Variants in POLR2F observed in about 807,000 individuals in gnomAD.
The protein encoded by POLR2F is DNA-directed RNA polymerases I, II, and III subunit RPABC2.
POLR2F carries 12 observed loss-of-function variants against 22.7 expected under a neutral mutation model. That is an observed-to-expected ratio of 0.53 (90% CI 0.34 to 0.86). The LOEUF is 0.86. Ranked by LOEUF, POLR2F falls within the 40% of genes least tolerant of loss-of-function variation. The pLI is 0.02. For synonymous variants in POLR2F, 57 were observed against 66.0 expected (o/e 0.86, Z 0.66); for missense variants, 126 against 171.5 (o/e 0.73, Z 1.48).
chr22:37,979,954 A>AGCCC (rs1157553718), intron 4 of POLR2F, among the ~76,000 whole-genome samples: 1 of 151,728 alleles, frequency 6.6e-6, no homozygotes, highest in Non-Finnish European at 1.5e-5. Context: ...CAGAAGGCCG[A>AGCCC]GCCCTCCCTC....
intron 3 of POLR2F, among the ~76,000 whole-genome samples, chr22:37,961,687 G>T (rs1931645690): frequency 6.6e-6 from 1 of 152,142 alleles, no homozygotes; most frequent in South Asian, 2.1e-4. Flanking sequence ...AGAAAGCAGG[G>T]ACTTTCAAAG....
At chr22:38,018,512 G>C (rs886919177) in intron 1 of POLR2F, among the ~76,000 whole-genome samples, 1 of 151,966 alleles carries the variant, frequency 6.6e-6, no homozygotes, top group Non-Finnish European at 1.5e-5. Flanking sequence ...GCTTAGGGTG[G>C]GGTCAAGGCC....
At chr22:37,973,058 TGGCATAGGTGGCATG>T, downstream of POLR2F, 1 of 166,596 alleles carries the variant, frequency 6.0e-6, no homozygotes, top group Admixed American at 5.8e-5. Context: ...TTAGGCACTG[TGGCATAGGTGGCATG>T]GGCATGTCAG....
At chr22:38,030,390 AG>A (rs1480902996), downstream of POLR2F, among the ~76,000 whole-genome samples, 5 of 152,198 alleles carry the variant, frequency 3.3e-5, no homozygotes, top group Non-Finnish European at 7.4e-5. Context: ...AAGTCCCATC[AG>A]GGCAGGCTCA....
intron 5 of POLR2F, among the ~76,000 whole-genome samples, chr22:38,035,368 G>C (rs556168721): frequency 6.6e-6 from 1 of 152,358 alleles, no homozygotes; most frequent in African/African-American, 2.4e-5. Context: ...CCATTTGACA[G>C]ATGAGGATGC....
chr22:37,962,561 C>CCT (rs1931687305), intron 3 of POLR2F, among the ~76,000 whole-genome samples: 3 of 152,230 alleles, frequency 2.0e-5, no homozygotes, highest in Admixed American at 2.0e-4. Context: ...ACGTCAGGAT[C>CCT]CTCTGGGCCT....
chr22:37,977,076 G>A (rs1264859614), intron 4 of POLR2F, among the ~76,000 whole-genome samples: 1 of 151,378 alleles, frequency 6.6e-6, no homozygotes, highest in Non-Finnish European at 1.5e-5. Context: ...GCTGAGACAG[G>A]AGAATTGCTT....
intron 5 of POLR2F, among the ~76,000 whole-genome samples, chr22:38,038,534 C>T (rs2085138562): frequency 1.3e-5 from 2 of 152,144 alleles, no homozygotes; most frequent in South Asian, 4.1e-4. Flanking sequence ...TGTGCCCTCG[C>T]TCCTCCCCAC....
upstream of POLR2F, chr22:37,986,061 G>C (rs978818503): frequency 5.7e-6 from 8 of 1,414,496 alleles, no homozygotes; most frequent in African/African-American, 1.0e-4. The surrounding 1 kb of genome is among the most constrained non-coding windows in gnomAD (Gnocchi z 4.7). Flanking sequence ...ACTCTTGTTC[G>C]GGGCCTTGAA....
At chr22:38,018,253 T>G (rs1355131190) in intron 1 of POLR2F, among the ~76,000 whole-genome samples, 3 of 152,126 alleles carry the variant, frequency 2.0e-5, no homozygotes, top group Non-Finnish European at 4.4e-5. Context: ...AGGTTAAGGG[T>G]TCGGTGTAGG....
chr22:37,964,552 T>A (rs1196981144), intron 3 of POLR2F, among the ~76,000 whole-genome samples: 1 of 148,280 alleles, frequency 6.7e-6, no homozygotes, highest in Non-Finnish European at 1.5e-5. Context: ...GTGTCCTGTT[T>A]TTCTTTTCTT....
At chr22:37,964,853 G>A (rs1238277345) in intron 3 of POLR2F, among the ~76,000 whole-genome samples, 2 of 152,050 alleles carry the variant, frequency 1.3e-5, no homozygotes, top group East Asian at 1.9e-4. Flanking sequence ...GATTACAGGC[G>A]TGAGCCACTG....
intron 1 of POLR2F, among the ~76,000 whole-genome samples, chr22:38,004,453 G>A (rs1026390570): frequency 1.3e-5 from 2 of 152,148 alleles, no homozygotes; most frequent in African/African-American, 2.4e-5. Context: ...GCTCACTGTG[G>A]GCCAGGTGCT....
In POLR2F at chr22:37,969,120, G is replaced by C; in HGVS notation, c.*1405G>C. The C allele has an allele frequency of 1.0e-6, 1 of 985,394 alleles. No homozygotes were observed. Among genetic ancestry groups the C allele is most frequent in the Non-Finnish European group, 1.2e-6 (1 of 829,908 alleles). The allele number at this position is 985,394 out of a possible 1,614,324, so 61.0% of individuals were successfully genotyped here. A position where few individuals can be genotyped will look rare whatever the true frequency, so the allele number is the denominator to read the frequency against. The stretch of plus-strand genomic sequence containing the variant: ...TCAGTATCAGATGTGATTAAAGGGA[G>C]ATGGGGTTTGGGCTGGGGAGGAGGG... On this transcript the variant is annotated 3_prime_UTR_variant, in exon 5 of 5. Transcript: ENST00000442738.
At chr22:38,018,697 A>G (rs1202839647) in intron 1 of POLR2F, among the ~76,000 whole-genome samples, 2 of 152,130 alleles carry the variant, frequency 1.3e-5, no homozygotes, top group African/African-American at 4.8e-5. Flanking sequence ...GAGTCCACCA[A>G]AGTTTTCTAT....
intron 1 of POLR2F, among the ~76,000 whole-genome samples, chr22:38,009,998 G>A (rs1008483534): frequency 1.3e-5 from 2 of 152,174 alleles, no homozygotes. Context: ...TACAAGTTGT[G>A]TGGACATATG....
chr22:37,981,332 AC>A (rs1932390180), upstream of POLR2F, among the ~76,000 whole-genome samples: 1 of 152,094 alleles, frequency 6.6e-6, no homozygotes, highest in Non-Finnish European at 1.5e-5. Flanking sequence ...CCAGGGAGCC[AC>A]CCTCTGTTGG....
rs1931905233 is a variant in POLR2F, at chr22:37,967,554, C to T, written c.294-71C>T. ...CTTCTCTTTGCTTGTGTTTTGCACA[C>T]AATCTGTTCCTTCTGCGGCAGAGCT... is the stretch of plus-strand genomic sequence containing the variant. On this transcript the variant is annotated intron_variant, in intron 4 of 4. Coordinates refer to ENST00000442738, the MANE Select transcript of POLR2F (RefSeq NM_021974.5). The T allele has an allele frequency of 2.5e-6, 4 of 1,589,142 alleles. No individual in the cohort carries two copies. In the East Asian group the frequency reaches 9.0e-5, roughly 36 times the overall value.
rs114057125 is a variant in POLR2F at position 37,961,567 on chromosome 22, A to G, written c.221+2091A>G. Among the ~76,000 whole-genome samples, 553 of 152,310 alleles carry G rather than the reference A, an allele frequency of 3.6e-3. 5 individuals carry two copies. The highest frequency in any genetic ancestry group is 0.012 in the African/African-American group (497 of 41,572). On this transcript the variant is annotated intron_variant, in intron 3 of 4. Coordinates refer to ENST00000442738, the MANE Select transcript of POLR2F (RefSeq NM_021974.5). ...AGACAGGTGGAGATGCGAGTGTCCAATGAGTGCAGATGTGTTAGCCATAGG... is the reference window on the plus strand; with the variant it reads ...AGACAGGTGGAGATGCGAGTGTCCAGTGAGTGCAGATGTGTTAGCCATAGG...
Sources: gnomAD v4.1 joint callset for allele counts (sites outside exome capture counted in the v4.1 genomes callset) on GRCh38, gnomAD v4.1.1 for gene constraint, Gnocchi (gnomAD v3.1) non-coding constraint, MANE v1.5 for transcripts, NCBI Gene and HGNC (gene_info 2026-07-23, HGNC 2026-07-21) for gene names.